The following TMCO4 variants were observed in gnomAD, a reference collection of about 807,000 sequenced individuals.
TMCO4 encodes transmembrane and coiled-coil domains 4.
TMCO4 carries 58 observed loss-of-function variants against 64.7 expected under a neutral mutation model. That is an observed-to-expected ratio of 0.90 (90% CI 0.73 to 1.12). TMCO4 has a LOEUF of 1.12. Ranked by LOEUF, TMCO4 falls within the 50% of genes most tolerant of loss-of-function variation. The pLI, the probability that TMCO4 is intolerant of heterozygous loss-of-function variation, is 0.00. For synonymous variants in TMCO4, 325 were observed against 346.1 expected, an observed-to-expected ratio of 0.94 and a Z score of 0.68; for missense variants, 780 against 825.9, an observed-to-expected ratio of 0.94 and a Z score of 0.68.
At chr1:19,789,908 C>A (rs921536959) in intron 2 of TMCO4, among the ~76,000 whole-genome samples, 1 of 151,722 alleles carries the variant, frequency 6.6e-6, no homozygotes, top group Non-Finnish European at 1.5e-5. Context: ...CAAAAATTAG[C>A]CAGGCATGAT....
intron 13 of TMCO4, among the ~76,000 whole-genome samples, chr1:19,701,603 A>T (rs1050810056): frequency 1.3e-5 from 2 of 152,140 alleles, no homozygotes; most frequent in Admixed American, 6.5e-5. Flanking sequence ...CCAGCCGTGG[A>T]CTATGGATGG....
At chr1:19,727,184 TTC>T (rs2095412509) in intron 13 of TMCO4, among the ~76,000 whole-genome samples, 1 of 152,154 alleles carries the variant, frequency 6.6e-6, no homozygotes, top group Non-Finnish European at 1.5e-5. Context: ...CTGCGACTCC[TTC>T]TGTTTCCTAA....
rs58397449 is a variant in TMCO4 at position 19,708,402 on chromosome 1, T to TA, written c.1265-7518dup. Among the ~76,000 whole-genome samples, 291 of 132,126 alleles carry TA rather than the reference T, an allele frequency of 2.2e-3. 1 individual carries two copies. Among genetic ancestry groups the TA allele is most frequent in the South Asian group, 9.7e-3 (40 of 4,126 alleles). The allele number at this position is 132,126 out of a possible 152,430, so 86.7% of individuals were successfully genotyped here. ...GCTTTTTAAAAAAAAAATACATAAATAAAAAAAAAAAAACCCAAGAGCTGA... is the reference window on the plus strand; with the variant it reads ...GCTTTTTAAAAAAAAAATACATAAATAAAAAAAAAAAAAACCCAAGAGCTGA... On this transcript the variant is annotated intron_variant, in intron 13 of 15. Transcript: ENST00000294543.
intron 4 of TMCO4, among the ~76,000 whole-genome samples, chr1:19,772,729 T>G (rs1294547251): frequency 6.6e-6 from 1 of 152,190 alleles, no homozygotes. Context: ...CACTGGGTTC[T>G]GCCCTGTAGG....
chr1:19,753,987 T>C (rs1383770963), intron 7 of TMCO4, among the ~76,000 whole-genome samples: 1 of 152,212 alleles, frequency 6.6e-6, no homozygotes, highest in East Asian at 1.9e-4. Flanking sequence ...CCAGGCTCAC[T>C]TGAAACACTT....
chr1:19,709,898 C>T (rs1460794032), intron 13 of TMCO4, among the ~76,000 whole-genome samples: 2 of 151,200 alleles, frequency 1.3e-5, no homozygotes. Context: ...ACGTGATTCT[C>T]CTGCCTCAGC....
intron 3 of TMCO4, among the ~76,000 whole-genome samples, chr1:19,784,738 G>A (rs2043646852): frequency 6.6e-6 from 1 of 151,066 alleles, no homozygotes; most frequent in Non-Finnish European, 1.5e-5. Context: ...TTGGTATGAT[G>A]GCCTAAGAGG....
At chr1:19,692,171 C>G (rs956061694) in intron 15 of TMCO4, among the ~76,000 whole-genome samples, 1 of 152,142 alleles carries the variant, frequency 6.6e-6, no homozygotes, top group Non-Finnish European at 1.5e-5. Flanking sequence ...TAACTAGAAA[C>G]CAAAGATTTT....
intron 5 of TMCO4, among the ~76,000 whole-genome samples, chr1:19,770,831 C>T (rs999015793): frequency 6.6e-6 from 1 of 152,232 alleles, no homozygotes; most frequent in Non-Finnish European, 1.5e-5. Context: ...AAGCTTCTAT[C>T]TGCTTTAACT....
intron 15 of TMCO4, among the ~76,000 whole-genome samples, chr1:19,688,156 T>C (rs1340778216): frequency 6.6e-6 from 1 of 152,186 alleles, no homozygotes; most frequent in Non-Finnish European, 1.5e-5. Context: ...GCTTCCCGTG[T>C]TGGCAGGGGC....
intron 3 of TMCO4, among the ~76,000 whole-genome samples, chr1:19,782,756 AG>A (rs1449790837): frequency 6.6e-6 from 1 of 152,216 alleles, no homozygotes; most frequent in African/African-American, 2.4e-5. Context: ...GGAAGGGTAC[AG>A]GGAAGGGTGC....
At chr1:19,767,953 G>T (rs1374878952) in intron 6 of TMCO4, among the ~76,000 whole-genome samples, 1 of 152,112 alleles carries the variant, frequency 6.6e-6, no homozygotes, top group African/African-American at 2.4e-5. Context: ...TTAGCCAGGC[G>T]TGATGGCACA....
rs771908866 is a variant in TMCO4 at position 19,740,770 on chromosome 1, C to T, written c.1042+7G>A. On this transcript the variant is annotated splice_region_variant and intron_variant, in intron 11 of 15. Transcript: ENST00000294543. The stretch of plus-strand genomic sequence containing the variant: ...GCTGTTGTTGGGGGGCAGGTGGGGG[C>T]ACTTACCAGACAACACTGTGTACTT... 2.4e-5 allele frequency: 39 copies of T among 1,603,424 alleles called. No individual in the cohort carries two copies. The highest frequency in any genetic ancestry group is 3.3e-5 in the Non-Finnish European group (39 of 1,174,142).
intron 13 of TMCO4, among the ~76,000 whole-genome samples, chr1:19,702,355 G>A (rs2095278793): frequency 6.6e-6 from 1 of 151,390 alleles, no homozygotes; most frequent in Non-Finnish European, 1.5e-5. Flanking sequence ...ATTTTGGGAA[G>A]CCAAGGTGGG....
In TMCO4 at chr1:19,740,846, G is replaced by C. The variant is rs2095476170; in HGVS notation, c.973C>G (p.Leu325Val). The stretch of plus-strand genomic sequence containing the variant: ...GCGAGACCACTGAGGATGGTCTCCA[G>C]GGCATTGCCGAGCTCCATCAGGTAC... ...AKYLMELGNA[L>V]ETILSGLANM... is the part of the protein sequence containing the mutation. Residue 325 changes from leucine to valine, a missense_variant, in exon 11 of 16, where the codon CTG becomes GTG. Leu to Val is a conservative substitution (Grantham distance 32, BLOSUM62 1). Coordinates refer to ENST00000294543, the MANE Select transcript of TMCO4 (RefSeq NM_181719.7). 1.1e-5 allele frequency: 17 copies of C among 1,614,046 alleles called. No homozygotes were observed. The highest frequency in any genetic ancestry group is 1.4e-5 in the Non-Finnish European group (17 of 1,180,014).
chr1:19,757,420 T>A (rs1458451615), intron 6 of TMCO4, among the ~76,000 whole-genome samples: 2 of 151,082 alleles, frequency 1.3e-5, no homozygotes, highest in African/African-American at 4.8e-5. Context: ...CTCCCTTTTA[T>A]GAAGACCTTG....
At chr1:19,684,659 T>C (rs1317211504) in intron 15 of TMCO4, among the ~76,000 whole-genome samples, 1 of 152,190 alleles carries the variant, frequency 6.6e-6, no homozygotes, top group Admixed American at 6.5e-5. Flanking sequence ...CAACTCACTC[T>C]GCCGTTTATT....
intron 7 of TMCO4, 85 bp from the exon 8 acceptor site, chr1:19,747,345 G>A: frequency 8.7e-7 from 1 of 1,149,712 alleles, no homozygotes; most frequent in Non-Finnish European, 1.3e-6. Context: ...TCAAACAGGG[G>A]CCAATGCTGG....
chr1:19,766,632 G>A lies in TMCO4; in HGVS notation c.382+3910C>T, dbSNP rs143688369. Among the ~76,000 whole-genome samples the A allele has an allele frequency of 7.9e-5, 12 of 152,194 alleles. 1 individual carries two copies. Among genetic ancestry groups the A allele is most frequent in the South Asian group, 4.2e-4 (2 of 4,814 alleles). On this transcript the variant is annotated intron_variant, in intron 6 of 15. Coordinates refer to ENST00000294543, the MANE Select transcript of TMCO4 (RefSeq NM_181719.7). Reference sequence around the variant, plus strand: ...CATGCTGGGCACTCTACATGGATTCGCTCATGTAATCCTCACCGCCACCCT... The same window carrying A: ...CATGCTGGGCACTCTACATGGATTCACTCATGTAATCCTCACCGCCACCCT...
Sources: gnomAD v4.1 joint callset for allele counts (sites outside exome capture counted in the v4.1 genomes callset) on GRCh38, gnomAD v4.1.1 for gene constraint, MANE v1.5 for transcripts, NCBI Gene and HGNC (gene_info 2026-07-23, HGNC 2026-07-21) for gene names.